Variants in UGT2B11 observed in about 807,000 individuals in gnomAD.
The protein encoded by UGT2B11 is UDP glucuronosyltransferase family 2 member B11.
UGT2B11 carries 49 observed loss-of-function variants against 51.7 expected under a neutral mutation model. The observed-to-expected ratio is 0.95, with a 90% CI of 0.75 to 1.20. The LOEUF (loss-of-function observed/expected upper bound fraction) is 1.20, where lower values mean the gene tolerates loss of function less well. Ranked by LOEUF, UGT2B11 falls within the 50% of genes most tolerant of loss-of-function variation. The pLI is 0.00. For synonymous variants in UGT2B11, 273 were observed against 209.0 expected (o/e 1.31, Z -2.64); for missense variants, 810 against 622.1 (o/e 1.30, Z -3.21).
chr4:69,222,561 A>G, the UGT2B11 span, among the ~76,000 whole-genome samples: 1 of 152,288 alleles, frequency 6.6e-6, no homozygotes, highest in Admixed American at 6.5e-5. Flanking sequence ...GGGTCATTCA[A>G]TCATTTAGCT....
the UGT2B11 span, among the ~76,000 whole-genome samples, chr4:69,224,722 G>T: frequency 2.9e-4 from 44 of 149,970 alleles, no homozygotes; most frequent in Non-Finnish European, 5.2e-4. Flanking sequence ...CCCTTGGTGA[G>T]GGTGAGAGAG....
At chr4:69,215,023 G>A (rs1722223058), upstream of UGT2B11, 1 of 302,756 alleles carries the variant, frequency 3.3e-6, no homozygotes, top group Non-Finnish European at 6.0e-6. Flanking sequence ...TGGCAAGTGA[G>A]AGAGTCCTGC....
chr4:69,209,904 T>A (rs1204979826), intron 2 of UGT2B11, among the ~76,000 whole-genome samples: 1 of 151,638 alleles, frequency 6.6e-6, no homozygotes, highest in Non-Finnish European at 1.5e-5. Context: ...ACAAAATTAA[T>A]GTAAGAAATT....
At chr4:69,215,676 T>C (rs1181979946), upstream of UGT2B11, 2 of 152,040 alleles carry the variant, frequency 1.3e-5, no homozygotes, top group East Asian at 3.9e-4. Context: ...AATGTAAATA[T>C]AACCTTTTGA....
At chr4:69,212,475 T>C in intron 2 of UGT2B11, 98 bp downstream of exon 2, 2 of 1,545,456 alleles carry the variant, frequency 1.3e-6, no homozygotes, top group South Asian at 1.2e-5. Flanking sequence ...TTCCCATCTT[T>C]CTTTCAGTGT....
chr4:69,207,271 C>G (rs1577962427), intron 3 of UGT2B11, among the ~76,000 whole-genome samples: 1 of 151,630 alleles, frequency 6.6e-6, no homozygotes, highest in Non-Finnish European at 1.5e-5. Flanking sequence ...AATTTTGAAA[C>G]TCCAAAGCAA....
upstream of UGT2B11, among the ~76,000 whole-genome samples, chr4:69,218,609 G>A (rs1018615260): frequency 3.0e-4 from 46 of 151,954 alleles, no homozygotes; most frequent in African/African-American, 1.1e-3. Flanking sequence ...AGTCTCCTTG[G>A]AAGTGTTCCC....
At chr4:69,206,335 G>C (rs1405514290) in intron 3 of UGT2B11, among the ~76,000 whole-genome samples, 1 of 151,690 alleles carries the variant, frequency 6.6e-6, no homozygotes, top group Non-Finnish European at 1.5e-5. Context: ...GATAAGGATG[G>C]AGCTGGAGGC....
At position 69,208,359 on chromosome 4, in the gene UGT2B11, G is replaced by T; in HGVS notation, c.994C>A (p.Pro332Thr). 6.2e-7 allele frequency: 1 copy of T among 1,610,776 alleles called. No individual in the cohort carries two copies. Among genetic ancestry groups the T allele is most frequent in the Non-Finnish European group, 8.5e-7 (1 of 1,177,944 alleles). The change falls in exon 3 of 6, where the codon CCA becomes ACA. Residue 332 changes from proline (P) to threonine (T), a missense_variant. By Grantham distance (38) the Pro-to-Thr change is conservative. Coordinates refer to ENST00000446444, the MANE Select transcript of UGT2B11 (RefSeq NM_001073.3). ...NVIATALAKI[P>T]QKVLWRFDGN... ...AAGGCCCTTTATCTTACCTTTTGTG[G>T]GATCTTGGCAAGGGCTGTTGCAATT...
At chr4:69,219,475 C>A (rs780473974), upstream of UGT2B11, among the ~76,000 whole-genome samples, 4 of 143,540 alleles carry the variant, frequency 2.8e-5, no homozygotes, top group Non-Finnish European at 6.0e-5. Context: ...TGATTTTGTT[C>A]TAGGGTTTTA....
chr4:69,212,512 T>C (rs896576576), intron 2 of UGT2B11, 61 bp downstream of exon 2: 30 of 1,580,580 alleles, frequency 1.9e-5, no homozygotes, highest in Non-Finnish European at 2.5e-5. Flanking sequence ...ATGAAAACTA[T>C]AGACTCATTT....
In UGT2B11 at chr4:69,200,683, T is replaced by A. The variant is rs1163983533; in HGVS notation, c.1347A>T (p.Gln449His). ...KENIMKLSRI[Q>H]HDQPVKPLDR... Reference sequence around the variant, plus strand: ...CCAGGGGCTTTACTGGTTGATCATGTTGAATTCTTGATAATTTCATAATAT... The same window carrying A: ...CCAGGGGCTTTACTGGTTGATCATGATGAATTCTTGATAATTTCATAATAT... The change falls in exon 6 of 6, where the codon CAA (glutamine) becomes CAT (histidine). Residue 449 changes from glutamine (Q) to histidine (H), a missense_variant. Coordinates refer to ENST00000446444, the MANE Select transcript of UGT2B11 (RefSeq NM_001073.3). The A allele has an allele frequency of 6.2e-7, 1 of 1,611,550 alleles. No homozygotes were observed. The highest frequency in any genetic ancestry group is 8.5e-7 in the Non-Finnish European group (1 of 1,178,668).
chr4:69,214,054 C>T lies in UGT2B11; in HGVS notation c.669G>A (p.Trp223Ter), dbSNP rs998429143. 1.9e-6 allele frequency: 3 copies of T among 1,603,880 alleles called. No homozygotes were observed. Among genetic ancestry groups the T allele is most frequent in the Non-Finnish European group, 2.6e-6 (3 of 1,175,868 alleles). ...ACTTCTTCATATCAGACATTTGGAA[C>T]CAAAAGTCAAAATAAAGCACATAGA... The part of the protein sequence containing the change: ...NMIYVLYFDF[W>*]FQMSDMKKWD... Residue 223 changes from tryptophan (W) to a stop codon, truncating the protein, a stop_gained, in exon 1 of 6, where the codon TGG becomes TGA. Transcript: ENST00000446444. LOFTEE classifies it high-confidence loss of function.
intron 1 of UGT2B11, 134 bp downstream of exon 1, chr4:69,213,868 A>G (rs1722163087): frequency 8.0e-7 from 1 of 1,256,744 alleles, no homozygotes; most frequent in Admixed American, 3.2e-5. Flanking sequence ...AGATTGATAG[A>G]TCATCTTGTA....
upstream of UGT2B11, chr4:69,214,932 T>G (rs1353533745): frequency 1.3e-6 from 1 of 757,710 alleles, no homozygotes; most frequent in African/African-American, 1.8e-5. Flanking sequence ...TATGTTTATA[T>G]TCACTGTCAT....
upstream of UGT2B11, chr4:69,216,637 T>G (rs1722281483): frequency 6.6e-6 from 1 of 151,574 alleles, no homozygotes; most frequent in Non-Finnish European, 1.5e-5. Flanking sequence ...CTTAGACAAC[T>G]TGTTAAAATG....
At chr4:69,204,807 A>G (rs1721789100) in intron 4 of UGT2B11, among the ~76,000 whole-genome samples, 158 bp from the exon 5 acceptor site, 2 of 151,726 alleles carry the variant, frequency 1.3e-5, no homozygotes, top group Admixed American at 1.3e-4. Flanking sequence ...TGTTTAGGAG[A>G]TGTAACTGAA....
chr4:69,204,390 T>C (rs746218185), intron 5 of UGT2B11, 40 bp downstream of exon 5: 1 of 1,607,954 alleles, frequency 6.2e-7, no homozygotes, highest in Non-Finnish European at 8.5e-7. Context: ...AGAGAAGCTG[T>C]CCACAAATAC....
intron 2 of UGT2B11, among the ~76,000 whole-genome samples, chr4:69,211,548 T>C (rs2109952227): frequency 6.6e-6 from 1 of 151,720 alleles, no homozygotes; most frequent in African/African-American, 2.4e-5. Flanking sequence ...AATTACAAAA[T>C]TAATAACATT....
Sources: gnomAD v4.1 joint callset for allele counts (sites outside exome capture counted in the v4.1 genomes callset) on GRCh38, gnomAD v4.1.1 for gene constraint, MANE v1.5 for transcripts, NCBI Gene and HGNC (gene_info 2026-07-23, HGNC 2026-07-21) for gene names.